The following TMEM207 variants were observed in gnomAD, a reference collection of about 807,000 sequenced individuals.
The protein encoded by TMEM207 is SRSR846.
TMEM207 carries 15 observed loss-of-function variants against 17.4 expected under a neutral mutation model. The ratio of observed to expected loss-of-function variants is 0.86; its 90% CI spans 0.58 to 1.33. TMEM207 has a LOEUF of 1.33. Ranked by LOEUF, TMEM207 falls within the 40% of genes most tolerant of loss-of-function variation. TMEM207 has a pLI of 0.00. For synonymous variants in TMEM207, 70 were observed against 65.6 expected, an observed-to-expected ratio of 1.07 and a Z score of -0.33; for missense variants, 205 against 173.8, an observed-to-expected ratio of 1.18 and a Z score of -1.01.
intron 4 of TMEM207, among the ~76,000 whole-genome samples, chr3:190,435,122 A>G (rs990081496): frequency 6.6e-6 from 1 of 152,018 alleles, no homozygotes; most frequent in African/African-American, 2.4e-5. Context: ...GAGCAGCTGT[A>G]TTAGTTTACT....
intron 3 of TMEM207, 50 bp downstream of exon 3, chr3:190,441,388 A>G: frequency 7.1e-7 from 1 of 1,417,132 alleles, no homozygotes. Flanking sequence ...TAGGACAAAG[A>G]CTGTATATAC....
At chr3:190,437,015 C>T (rs1487988439) in intron 4 of TMEM207, among the ~76,000 whole-genome samples, 2 of 151,988 alleles carry the variant, frequency 1.3e-5, no homozygotes, top group African/African-American at 4.8e-5. Flanking sequence ...AGCATAGGCA[C>T]ACACACAAAA....
intron 1 of TMEM207, 72 bp downstream of exon 1, chr3:190,449,663 T>C: frequency 7.2e-7 from 1 of 1,384,646 alleles, no homozygotes; most frequent in East Asian, 2.3e-5. Flanking sequence ...CATATAAATC[T>C]ATAGCAAATC....
intron 4 of TMEM207, among the ~76,000 whole-genome samples, chr3:190,431,735 G>T (rs1046436664): frequency 6.6e-6 from 1 of 152,090 alleles, no homozygotes; most frequent in Non-Finnish European, 1.5e-5. Context: ...AAACTGACTT[G>T]ACACATCTAT....
At chr3:190,445,456 T>C (rs1428943650) in intron 2 of TMEM207, among the ~76,000 whole-genome samples, 2 of 152,196 alleles carry the variant, frequency 1.3e-5, no homozygotes, top group African/African-American at 2.4e-5. Flanking sequence ...AAAAGTAAAA[T>C]AATTGGATTG....
intron 4 of TMEM207, among the ~76,000 whole-genome samples, chr3:190,437,769 A>G (rs558461264): frequency 7.9e-5 from 12 of 152,084 alleles, no homozygotes; most frequent in African/African-American, 2.7e-4. Flanking sequence ...AAGGACTATA[A>G]ATCATGCTGC....
At chr3:190,440,859 G>A (rs375098857) in intron 3 of TMEM207, among the ~76,000 whole-genome samples, 258 of 152,296 alleles carry the variant, frequency 1.7e-3, no homozygotes, top group African/African-American at 5.9e-3. Context: ...ACGAGGTCAG[G>A]AGATCGAGAA....
In TMEM207 at chr3:190,441,451, C is replaced by G. The variant is rs143011935; in HGVS notation, c.145G>C (p.Gly49Arg). ...CVNYNDQHPN[G>R]WYIWILLLLV... ...AGATATCCTTACCAGATATACCAGC[C>G]ATTAGGGTGTTGGTCATTATAATTT... The change falls in exon 3 of 5, where the codon GGC becomes CGC. Residue 49 changes from glycine (G) to arginine (R), a missense_variant. Physicochemically the swap from Gly to Arg is moderately radical, Grantham distance 125. Coordinates refer to ENST00000354905, the MANE Select transcript of TMEM207 (RefSeq NM_207316.3). 7 of 1,612,034 alleles carry G rather than the reference C, an allele frequency of 4.3e-6. No individual in the cohort carries two copies. The African/African-American group carries it at 9.4e-5, about 22-fold the overall frequency.
chr3:190,447,868 T>A, intron 1 of TMEM207, 41 bp from the exon 2 acceptor site: 1 of 1,594,362 alleles, frequency 6.3e-7, no homozygotes, highest in East Asian at 2.2e-5. Context: ...AAACATCTCA[T>A]CAGTCTAATC....
rs1719644841 is a variant in TMEM207 at position 190,429,595 on chromosome 3, T to C, written c.441A>G (p.Ter147TrpextTer2). Residue 147 changes from the stop codon to tryptophan, a stop_lost, in exon 5 of 5, where the codon TGA (stop) becomes TGG (tryptophan). Transcript: ENST00000354905. ...TTAAATTGATAATCCACACCTAAAATCAGGTTGTTTTTACAATTTCTTCAT... is the reference window on the plus strand; with the variant it reads ...TTAAATTGATAATCCACACCTAAAACCAGGTTGTTTTTACAATTTCTTCAT... ...PPYEEIVKTT[*>W] 1.2e-6 allele frequency: 2 copies of C among 1,613,222 alleles called. No individual in the cohort carries two copies. The highest frequency in any genetic ancestry group is 1.7e-6 in the Non-Finnish European group (2 of 1,179,550).
At chr3:190,438,870 T>G (rs1346483217) in intron 4 of TMEM207, among the ~76,000 whole-genome samples, 1 of 152,162 alleles carries the variant, frequency 6.6e-6, no homozygotes, top group East Asian at 1.9e-4. Context: ...ACTATTGTTT[T>G]GGAGACTTTA....
Position 190,429,502 on chromosome 3 carries a change from A to T in TMEM207, c.*93T>A. 1.3e-6 allele frequency: 2 copies of T among 1,520,808 alleles called. No individual in the cohort carries two copies. Among genetic ancestry groups the T allele is most frequent in the Non-Finnish European group, 1.8e-6 (2 of 1,111,702 alleles). 94.2% of individuals were successfully genotyped at this position (1,520,808 alleles called of 1,614,324 possible). On this transcript the variant is annotated 3_prime_UTR_variant, in exon 5 of 5. Coordinates refer to ENST00000354905, the MANE Select transcript of TMEM207 (RefSeq NM_207316.3). ...TCAGACTATATGAATAGATCTCTGGACATTTCCAACAACTGAAATAACTAT... is the reference window on the plus strand; with the variant it reads ...TCAGACTATATGAATAGATCTCTGGTCATTTCCAACAACTGAAATAACTAT...
In TMEM207 at chr3:190,434,772, G is replaced by A. The variant is rs144077402; in HGVS notation, c.305-5041C>T. Among the ~76,000 whole-genome samples, 655 of 152,284 alleles carry A rather than the reference G, an allele frequency of 4.3e-3. 2 individuals carry two copies. Among genetic ancestry groups the A allele is most frequent in the Non-Finnish European group, 6.4e-3 (434 of 68,008 alleles). The stretch of plus-strand genomic sequence containing the variant: ...TTGAGAAGACATGAGGTCATTGAGC[G>A]GACGCTCTCTGGGTTGTAGCAGAGA... On this transcript the variant is annotated intron_variant, in intron 4 of 4. Coordinates refer to ENST00000354905, the MANE Select transcript of TMEM207 (RefSeq NM_207316.3).
intron 3 of TMEM207, among the ~76,000 whole-genome samples, chr3:190,440,914 A>G (rs1274513491): frequency 1.3e-5 from 2 of 152,082 alleles, no homozygotes; most frequent in Non-Finnish European, 2.9e-5. Context: ...TAAAAAATAC[A>G]AAAAATTAGC....
At chr3:190,442,307 CAG>C (rs1157742517) in intron 2 of TMEM207, among the ~76,000 whole-genome samples, 1 of 152,176 alleles carries the variant, frequency 6.6e-6, no homozygotes, top group Non-Finnish European at 1.5e-5. Flanking sequence ...TATTCACAGT[CAG>C]ATACACTTCT....
At chr3:190,430,267 T>A (rs1246298293) in intron 4 of TMEM207, among the ~76,000 whole-genome samples, 2 of 151,096 alleles carry the variant, frequency 1.3e-5, no homozygotes, top group Non-Finnish European at 1.5e-5. Flanking sequence ...TTCTAAAATT[T>A]AAAAAAAAAC....
intron 4 of TMEM207, among the ~76,000 whole-genome samples, chr3:190,435,516 G>A (rs909366383): frequency 1.3e-5 from 2 of 152,114 alleles, no homozygotes; most frequent in African/African-American, 4.8e-5. Context: ...CCCACAACAG[G>A]GGGCATCAGA....
intron 2 of TMEM207, among the ~76,000 whole-genome samples, chr3:190,446,962 C>T (rs1430384815): frequency 1.3e-5 from 2 of 152,012 alleles, no homozygotes; most frequent in Non-Finnish European, 2.9e-5. Context: ...AAATAGCAAT[C>T]GAGAGCCATG....
At chr3:190,441,598 T>G in intron 2 of TMEM207, 116 bp from the exon 3 acceptor site, 1 of 766,818 alleles carries the variant, frequency 1.3e-6, no homozygotes, top group Non-Finnish European at 2.2e-6. Flanking sequence ...CACCTACATA[T>G]TCCCATACCA....
Sources: allele counts gnomAD v4.1 joint callset (sites outside exome capture counted in the v4.1 genomes callset), GRCh38; gene constraint gnomAD v4.1.1; transcripts MANE v1.5; gene names NCBI Gene and HGNC (gene_info 2026-07-23, HGNC 2026-07-21).